Variants in KPNA4 observed in about 807,000 individuals in gnomAD.
KPNA4 encodes the protein karyopherin subunit alpha 4, also known as importin subunit alpha-3.
Under a neutral mutation model 71.3 loss-of-function variants are expected in KPNA4, and 13 were observed. The ratio of observed to expected loss-of-function variants is 0.18; its 90% CI spans 0.12 to 0.29. KPNA4 has a LOEUF of 0.29. KPNA4 is among the 10% of genes least tolerant of loss of function. The pLI is 1.00. For missense variants in KPNA4, 334 were observed against 603.2 expected (o/e 0.55, Z 4.67); for synonymous variants, 189 against 195.2 (o/e 0.97, Z 0.26).
chr3:160,554,574 CCTAGATAGTT>C (rs1722099854), intron 1 of KPNA4, among the ~76,000 whole-genome samples: 1 of 151,930 alleles, frequency 6.6e-6, no homozygotes, highest in Non-Finnish European at 1.5e-5. Flanking sequence ...TCGGGGGGGC[CCTAGATAGTT>C]TCAGGATGAG....
chr3:160,555,776 GT>G (rs1371076215), intron 1 of KPNA4, among the ~76,000 whole-genome samples: 1 of 151,806 alleles, frequency 6.6e-6, no homozygotes, highest in Non-Finnish European at 1.5e-5. Flanking sequence ...GCATTCATCA[GT>G]TAATGGGTAT....
chr3:160,556,890 G>C (rs1157087353), intron 1 of KPNA4, among the ~76,000 whole-genome samples: 1 of 152,194 alleles, frequency 6.6e-6, no homozygotes, highest in East Asian at 1.9e-4. Flanking sequence ...GTAGTAAAAT[G>C]AACATCTCCA....
rs181648701 is a variant in KPNA4, at chr3:160,530,738, C to G, written c.469+117G>C. 567 of 660,478 alleles carry G rather than the reference C, an allele frequency of 8.6e-4. 2 individuals carry two copies. In the African/African-American group the frequency reaches 9.8e-3, roughly 11 times the overall value. 40.9% of individuals were successfully genotyped at this position (660,478 alleles called of 1,614,324 possible). A position where few individuals can be genotyped will look rare whatever the true frequency, so the allele number is the denominator to read the frequency against. ...TACTTAAGTTGACCTATTTCAATAA[C>G]TACGTAGTAGCTATTATTTTATAAT... On this transcript the variant is annotated intron_variant, in intron 7 of 16. Coordinates refer to ENST00000334256, the MANE Select transcript of KPNA4 (RefSeq NM_002268.5).
At chr3:160,558,830 A>G (rs1174557343) in intron 1 of KPNA4, among the ~76,000 whole-genome samples, 1 of 152,250 alleles carries the variant, frequency 6.6e-6, no homozygotes, top group Non-Finnish European at 1.5e-5. Context: ...GAATGAATTA[A>G]GGTAATGACA....
intron 11 of KPNA4, among the ~76,000 whole-genome samples, chr3:160,519,319 G>T (rs1393607770): frequency 6.6e-6 from 1 of 152,178 alleles, no homozygotes. Context: ...GAAAGGAGAA[G>T]AAAGTTGCAC....
At chr3:160,534,905 G>T (rs1453063118) in intron 5 of KPNA4, among the ~76,000 whole-genome samples, 2 of 151,314 alleles carry the variant, frequency 1.3e-5, no homozygotes, top group Admixed American at 6.6e-5. Flanking sequence ...TGTATTTTTA[G>T]TAGAGACGGG....
At chr3:160,513,249 GTTT>G (rs946090860) in intron 13 of KPNA4, among the ~76,000 whole-genome samples, 16 of 80,626 alleles carry the variant, frequency 2.0e-4, no homozygotes, top group African/African-American at 6.0e-4. Flanking sequence ...CTACTTTGTG[GTTT>G]TTTTTTTTTT....
intron 11 of KPNA4, among the ~76,000 whole-genome samples, chr3:160,518,425 G>T (rs574401188): frequency 6.7e-6 from 1 of 149,896 alleles, no homozygotes; most frequent in African/African-American, 2.4e-5. Context: ...GTGAGCCACC[G>T]CGCCCGGCCT....
chr3:160,520,015 G>C (rs958636019), intron 11 of KPNA4, among the ~76,000 whole-genome samples: 1 of 152,038 alleles, frequency 6.6e-6, no homozygotes, highest in Non-Finnish European at 1.5e-5. Flanking sequence ...AGGTAGAGTA[G>C]AGAATTTCAA....
Position 160,501,114 on chromosome 3 carries a change from A to AT in KPNA4, c.*989dup, listed in dbSNP as rs1305122867. 1 of 152,152 alleles carries AT rather than the reference A, an allele frequency of 6.6e-6. No individual in the cohort carries two copies. The highest frequency in any genetic ancestry group is 1.5e-5 in the Non-Finnish European group (1 of 67,966). The allele number at this position is 152,152 out of a possible 1,614,324, so 9.4% of individuals were successfully genotyped here. A position where few individuals can be genotyped will look rare whatever the true frequency, so the allele number is the denominator to read the frequency against. On this transcript the variant is annotated 3_prime_UTR_variant, in exon 17 of 17. Transcript: ENST00000334256. ...CAGTCTATTTTGAGGGAAATTTATG[A>AT]TTTTTTTCATGCAAAAATCTACACA...
At chr3:160,555,992 T>C (rs991661224) in intron 1 of KPNA4, among the ~76,000 whole-genome samples, 1 of 152,042 alleles carries the variant, frequency 6.6e-6, no homozygotes, top group African/African-American at 2.4e-5. Context: ...CCACCATGCC[T>C]GGCTAATTTT....
chr3:160,553,628 C>T (rs748945879), intron 1 of KPNA4, among the ~76,000 whole-genome samples: 2 of 152,142 alleles, frequency 1.3e-5, no homozygotes, highest in Non-Finnish European at 2.9e-5. Flanking sequence ...TCCTTGCATT[C>T]TTAAAAGCCT....
intron 11 of KPNA4, among the ~76,000 whole-genome samples, chr3:160,520,821 T>C (rs1188585861): frequency 6.6e-6 from 1 of 152,194 alleles, no homozygotes; most frequent in African/African-American, 2.4e-5. Flanking sequence ...TATGCGATTA[T>C]TGTACTTTAC....
chr3:160,545,685 G>A (rs1163548582), intron 1 of KPNA4, among the ~76,000 whole-genome samples: 1 of 152,196 alleles, frequency 6.6e-6, no homozygotes, highest in African/African-American at 2.4e-5. Flanking sequence ...GGAGAGACAT[G>A]TTCTGATTTA....
intron 13 of KPNA4, among the ~76,000 whole-genome samples, chr3:160,512,587 G>A (rs73155920): frequency 0.15 from 22,479 of 152,098 alleles, 2,137 homozygotes; most frequent in Non-Finnish European, 0.21. Flanking sequence ...GCTCTTGGCC[G>A]GGCATGGATG....
intron 16 of KPNA4, among the ~76,000 whole-genome samples, chr3:160,503,390 T>C (rs964299302): frequency 6.6e-6 from 1 of 152,176 alleles, no homozygotes; most frequent in African/African-American, 2.4e-5. Context: ...CATTGGAACA[T>C]TTTGAATTTC....
intron 13 of KPNA4, among the ~76,000 whole-genome samples, chr3:160,511,262 T>G (rs1208060525): frequency 6.6e-6 from 1 of 151,858 alleles, no homozygotes; most frequent in Non-Finnish European, 1.5e-5. Flanking sequence ...CCCACCACCA[T>G]GCCTGGCTAA....
At chr3:160,505,959 C>T (rs570484753) in intron 15 of KPNA4, among the ~76,000 whole-genome samples, 156 of 152,298 alleles carry the variant, frequency 1.0e-3, no homozygotes, top group African/African-American at 3.7e-3. Context: ...CTCATTTAAA[C>T]GGTTCATCCT....
intron 11 of KPNA4, 61 bp from the exon 12 acceptor site, chr3:160,515,641 G>GTCTT: frequency 6.4e-7 from 1 of 1,563,460 alleles, no homozygotes; most frequent in African/African-American, 1.4e-5. Context: ...TTGAGACAAG[G>GTCTT]TCTTGCTCTG....
Sources: allele counts gnomAD v4.1 joint callset (sites outside exome capture counted in the v4.1 genomes callset), GRCh38; gene constraint gnomAD v4.1.1; transcripts MANE v1.5; gene names NCBI Gene and HGNC (gene_info 2026-07-23, HGNC 2026-07-21).